The following PGRMC2 variants were observed in gnomAD, a reference collection of about 807,000 sequenced individuals.
PGRMC2 encodes membrane-associated progesterone receptor component 2.
In PGRMC2, 9 loss-of-function variants were observed where a neutral mutation model predicts 19.3. The ratio of observed to expected loss-of-function variants is 0.47; its 90% CI spans 0.28 to 0.81. The LOEUF is 0.81. Ranked by LOEUF, PGRMC2 falls within the 40% of genes least tolerant of loss-of-function variation. The probability of loss-of-function intolerance (pLI) is 0.11; values close to 1 mark genes in which losing one functional copy is unlikely to be tolerated. For missense variants in PGRMC2, 289 were observed against 297.3 expected (o/e 0.97, Z 0.21); for synonymous variants, 157 against 124.6 (o/e 1.26, Z -1.73).
At chr4:128,280,151 T>TGGA (rs1310811157) in intron 1 of PGRMC2, among the ~76,000 whole-genome samples, 6 of 151,608 alleles carry the variant, frequency 4.0e-5, no homozygotes, top group Non-Finnish European at 8.8e-5. Context: ...CAAACCATCA[T>TGGA]GGAGGAGTGG....
chr4:128,281,575 AT>A (rs899137211), intron 1 of PGRMC2, among the ~76,000 whole-genome samples: 12 of 152,210 alleles, frequency 7.9e-5, no homozygotes, highest in African/African-American at 2.7e-4. Context: ...ACAAAATAAG[AT>A]GATAGAAATA....
In PGRMC2 at chr4:128,270,593, A is replaced by C. The variant is rs1400483745; in HGVS notation, c.*723T>G. 1 of 152,668 alleles carries C rather than the reference A, an allele frequency of 6.6e-6. No homozygotes were observed. The highest frequency in any genetic ancestry group is 1.5e-5 in the Non-Finnish European group (1 of 68,040). 9.5% of individuals were successfully genotyped at this position (152,668 alleles called of 1,614,324 possible). A position where few individuals can be genotyped will look rare whatever the true frequency, so the allele number is the denominator to read the frequency against. On this transcript the variant is annotated 3_prime_UTR_variant, in exon 3 of 3. Coordinates refer to ENST00000296425, the MANE Select transcript of PGRMC2 (RefSeq NM_006320.6). ...AATTCAAGTCTATGTTAAGTGAAAT[A>C]AGGCACAATTAATATTGATTTGATT... is the stretch of plus-strand genomic sequence containing the variant.
At chr4:128,273,660 A>G (rs1288642330) in intron 1 of PGRMC2, among the ~76,000 whole-genome samples, 1 of 152,222 alleles carries the variant, frequency 6.6e-6, no homozygotes. Flanking sequence ...TTTTTAAATG[A>G]GCGAAATGAT....
chr4:128,275,801 C>T (rs1760802302), intron 1 of PGRMC2, among the ~76,000 whole-genome samples: 1 of 152,218 alleles, frequency 6.6e-6, no homozygotes, highest in Non-Finnish European at 1.5e-5. Context: ...TCATATTTCA[C>T]TGTGGCCTCT....
At position 128,270,210 on chromosome 4, in the gene PGRMC2, C is replaced by G. The variant is rs1287646732; in HGVS notation, c.*1106G>C. 1 of 152,628 alleles carries G rather than the reference C, an allele frequency of 6.6e-6. No individual in the cohort carries two copies. Among genetic ancestry groups the G allele is most frequent in the Non-Finnish European group, 1.5e-5 (1 of 68,022 alleles). 9.5% of individuals were successfully genotyped at this position (152,628 alleles called of 1,614,324 possible). A position where few individuals can be genotyped will look rare whatever the true frequency, so the allele number is the denominator to read the frequency against. On this transcript the variant is annotated 3_prime_UTR_variant, in exon 3 of 3. Coordinates refer to ENST00000296425, the MANE Select transcript of PGRMC2 (RefSeq NM_006320.6). ...CAGTATCTGCAGAAAGAGTCCCTTC[C>G]AAGGCCTCACACATTCAGACACATC...
chr4:128,272,613 GA>G (rs1760750857), intron 1 of PGRMC2, 96 bp from the exon 2 acceptor site: 2 of 670,724 alleles, frequency 3.0e-6, no homozygotes, highest in Admixed American at 4.9e-5. Context: ...ACACAACAAA[GA>G]AAAAAACCCC....
At position 128,287,723 on chromosome 4, in the gene PGRMC2, C is replaced by A. The variant is rs1332760520; in HGVS notation, c.68G>T (p.Gly23Val). ...LGSGSESSND[G>V]GSESPGDAGA... ...CGCGTCGCCTGGACTCTCGCTGCCGCCGTCGTTGCTGCTCTCGCTGCCACT... is the reference window on the plus strand; with the variant it reads ...CGCGTCGCCTGGACTCTCGCTGCCGACGTCGTTGCTGCTCTCGCTGCCACT... Residue 23 changes from glycine (G) to valine (V), a missense_variant, in exon 1 of 3, where the codon GGC (glycine) becomes GTC (valine). Physicochemically the swap from Gly to Val is moderately radical, Grantham distance 109 (BLOSUM62 -3). Transcript: ENST00000296425. 6.7e-7 allele frequency: 1 copy of A among 1,494,926 alleles called. No individual in the cohort carries two copies. Among genetic ancestry groups the A allele is most frequent in the Non-Finnish European group, 9.1e-7 (1 of 1,104,800 alleles). 92.6% of individuals were successfully genotyped at this position (1,494,926 alleles called of 1,614,324 possible).
chr4:128,273,989 T>G lies in PGRMC2; in HGVS notation c.419-1472A>C, dbSNP rs554853107. On this transcript the variant is annotated intron_variant, in intron 1 of 2. Coordinates refer to ENST00000296425, the MANE Select transcript of PGRMC2 (RefSeq NM_006320.6). ...TGTATTCTGCTTTTCTTATTCTTAT[T>G]GCATTTTCCATATTGCTACATCGTA... Among the ~76,000 whole-genome samples, 5 of 152,364 alleles carry G rather than the reference T, an allele frequency of 3.3e-5. No individual in the cohort carries two copies. In the South Asian group the frequency reaches 1.0e-3, roughly 32 times the overall value.
At chr4:128,279,851 T>C (rs1435556421) in intron 1 of PGRMC2, among the ~76,000 whole-genome samples, 1 of 152,202 alleles carries the variant, frequency 6.6e-6, no homozygotes, top group South Asian at 2.1e-4. Context: ...ATACGTAGAC[T>C]GGTGCTTTGC....
Position 128,271,183 on chromosome 4 carries a change from T to C in PGRMC2, c.*133A>G. On this transcript the variant is annotated 3_prime_UTR_variant, in exon 3 of 3. Coordinates refer to ENST00000296425, the MANE Select transcript of PGRMC2 (RefSeq NM_006320.6). ...AGTTATTCAAATCTTCATAGTGAGATTAATTTATCTTGTACACAATTTGTT... is the reference window on the plus strand; with the variant it reads ...AGTTATTCAAATCTTCATAGTGAGACTAATTTATCTTGTACACAATTTGTT... The C allele has an allele frequency of 2.0e-6, 1 of 508,460 alleles. No homozygotes were observed. Among genetic ancestry groups the C allele is most frequent in the Non-Finnish European group, 3.6e-6 (1 of 281,138 alleles). The allele number at this position is 508,460 out of a possible 1,614,324, so 31.5% of individuals were successfully genotyped here.
chr4:128,282,120 T>A (rs996598444), intron 1 of PGRMC2, among the ~76,000 whole-genome samples: 5 of 152,216 alleles, frequency 3.3e-5, no homozygotes, highest in Admixed American at 6.5e-5. Context: ...GACTATTAAC[T>A]CCATGAGGAT....
chr4:128,269,633 G>A lies in PGRMC2; in HGVS notation c.*1683C>T, dbSNP rs112362561. The A allele has an allele frequency of 1.6e-4, 24 of 152,258 alleles. No homozygotes were observed. The highest frequency in any genetic ancestry group is 5.5e-4 in the African/African-American group (23 of 41,544). The allele number at this position is 152,258 out of a possible 1,614,324, so 9.4% of individuals were successfully genotyped here. A position where few individuals can be genotyped will look rare whatever the true frequency, so the allele number is the denominator to read the frequency against. On this transcript the variant is annotated 3_prime_UTR_variant, in exon 3 of 3. Coordinates refer to ENST00000296425, the MANE Select transcript of PGRMC2 (RefSeq NM_006320.6). ...CCCCCTTGTTTGATGGCTTCTGCAT[G>A]TATCTACAAAGCAGAAGTCTTAACT...
At chr4:128,272,841 T>C (rs993623548) in intron 1 of PGRMC2, 1 of 190,644 alleles carries the variant, frequency 5.2e-6, no homozygotes, top group African/African-American at 2.3e-5. Flanking sequence ...ACTTAAGTGG[T>C]TAGGTTTAGA....
At chr4:128,271,735 G>C (rs1370130436) in intron 2 of PGRMC2, among the ~76,000 whole-genome samples, 2 of 152,202 alleles carry the variant, frequency 1.3e-5, no homozygotes, top group Non-Finnish European at 2.9e-5. Flanking sequence ...ACCCATCTCA[G>C]TACCCAGCTA....
chr4:128,277,811 C>G (rs1259098417), intron 1 of PGRMC2, among the ~76,000 whole-genome samples: 1 of 152,130 alleles, frequency 6.6e-6, no homozygotes, highest in Non-Finnish European at 1.5e-5. Context: ...GAAATAATAC[C>G]TCTCAAGAAG....
intron 1 of PGRMC2, among the ~76,000 whole-genome samples, chr4:128,277,357 T>C (rs1163984811): frequency 6.6e-6 from 1 of 152,224 alleles, no homozygotes; most frequent in African/African-American, 2.4e-5. Flanking sequence ...AGGTGACATA[T>C]TCTTGAAACA....
intron 1 of PGRMC2, among the ~76,000 whole-genome samples, chr4:128,282,511 G>C (rs188449971): frequency 2.0e-5 from 3 of 152,110 alleles, no homozygotes; most frequent in Non-Finnish European, 4.4e-5. Flanking sequence ...TAAAAACAAC[G>C]GGATGATGTT....
intron 1 of PGRMC2, among the ~76,000 whole-genome samples, chr4:128,275,793 A>G (rs1314847267): frequency 1.3e-5 from 2 of 152,150 alleles, no homozygotes; most frequent in African/African-American, 4.8e-5. Flanking sequence ...CGGCTCAATC[A>G]TATTTCACTG....
Position 128,272,522 on chromosome 4 carries a change from A to G in PGRMC2, c.419-5T>C, listed in dbSNP as rs1760746384. On this transcript the variant is annotated splice_polypyrimidine_tract_variant and splice_region_variant and intron_variant, in intron 1 of 2. Transcript: ENST00000296425. ...CAAATATTCCATATGGACCCGCTGG[A>G]AAAAAGAAAATAAATTATTTAGATC... The G allele has an allele frequency of 1.4e-6, 2 of 1,475,606 alleles. No homozygotes were observed. The highest frequency in any genetic ancestry group is 1.5e-5 in the South Asian group (1 of 67,512). The allele number at this position is 1,475,606 out of a possible 1,614,324, so 91.4% of individuals were successfully genotyped here.
Sources: gnomAD v4.1 joint callset for allele counts (sites outside exome capture counted in the v4.1 genomes callset) on GRCh38, gnomAD v4.1.1 for gene constraint, MANE v1.5 for transcripts, NCBI Gene and HGNC (gene_info 2026-07-23, HGNC 2026-07-21) for gene names.